Variants in JADE1 observed in about 807,000 individuals in gnomAD.
JADE1 encodes jade family PHD finger 1, also known as protein Jade-1.
A neutral mutation model predicts 81.8 loss-of-function variants in JADE1; 14 were observed. The observed-to-expected ratio is 0.17, with a 90% CI of 0.11 to 0.27. The LOEUF (loss-of-function observed/expected upper bound fraction) is 0.27, where lower values mean the gene tolerates loss of function less well. Among genes scored for constraint, JADE1 ranks in the 10% least tolerant of loss-of-function variants. The probability of loss-of-function intolerance (pLI) is 1.00; values close to 1 mark genes in which losing one functional copy is unlikely to be tolerated. For synonymous variants in JADE1, 353 were observed against 391.9 expected, an observed-to-expected ratio of 0.90 and a Z score of 1.17; for missense variants, 690 against 1,047.9, an observed-to-expected ratio of 0.66 and a Z score of 4.71.
chr4:128,827,239 C>G (rs1018785844), intron 1 of JADE1, among the ~76,000 whole-genome samples: 2 of 152,178 alleles, frequency 1.3e-5, no homozygotes, highest in Non-Finnish European at 2.9e-5. Context: ...TTTACCATTT[C>G]TAACAAGTGT....
intron 8 of JADE1, among the ~76,000 whole-genome samples, chr4:128,861,177 A>C (rs1047292102): frequency 1.3e-5 from 2 of 152,232 alleles, no homozygotes; most frequent in African/African-American, 2.4e-5. Flanking sequence ...AGAAAACCCA[A>C]GTTAATGCCT....
chr4:128,862,666 C>T (rs955896686), intron 9 of JADE1: 2 of 1,016,862 alleles, frequency 2.0e-6, no homozygotes, highest in Non-Finnish European at 1.2e-6. Flanking sequence ...CTTGTTCAGT[C>T]CGGGGAAACA....
rs1381886335 is a variant in JADE1 at position 128,827,675 on chromosome 4, G to A, written c.-26-4058G>A. Among the ~76,000 whole-genome samples, 4 of 152,192 alleles carry A rather than the reference G, an allele frequency of 2.6e-5. No homozygotes were observed. The East Asian group carries it at 7.7e-4, about 29-fold the overall frequency. ...TATTTTGATGAGGTTGCCTCATGGG[G>A]TGTAGTTAATTTGTTGTTTTAATAA... On this transcript the variant is annotated intron_variant, in intron 1 of 10. Coordinates refer to ENST00000226319, the MANE Select transcript of JADE1 (RefSeq NM_199320.4).
rs540580537 is a variant in JADE1 at position 128,821,868 on chromosome 4, C to CTAT, written c.-26-9857_-26-9855dup. Among the ~76,000 whole-genome samples the CTAT allele has an allele frequency of 7.2e-3, 1,090 of 152,156 alleles. 7 individuals carry two copies. The highest frequency in any genetic ancestry group is 9.9e-3 in the Non-Finnish European group (675 of 67,984). Reference sequence around the variant, plus strand: ...TTTTCTTGTCTGGGTTAGTTTTTTTCTATTATTATTGCATATATTTTAAGT... The same window carrying CTAT: ...TTTTCTTGTCTGGGTTAGTTTTTTTCTATTATTATTATTGCATATATTTTAAGT... On this transcript the variant is annotated intron_variant, in intron 1 of 10. Transcript: ENST00000226319.
chr4:128,844,483 G>A (rs1729704973), intron 3 of JADE1, among the ~76,000 whole-genome samples: 1 of 152,172 alleles, frequency 6.6e-6, no homozygotes, highest in South Asian at 2.1e-4. Flanking sequence ...CAAAGGAATA[G>A]CAGGCTGCCT....
intron 6 of JADE1, among the ~76,000 whole-genome samples, chr4:128,853,967 G>A (rs1730584076): frequency 6.6e-6 from 1 of 152,202 alleles, no homozygotes. Flanking sequence ...AATTCCTGTG[G>A]TGGCTTTGTT....
chr4:128,856,453 G>A (rs1160744994), intron 7 of JADE1, among the ~76,000 whole-genome samples: 1 of 152,172 alleles, frequency 6.6e-6, no homozygotes, highest in African/African-American at 2.4e-5. Flanking sequence ...TGGCCTGGGT[G>A]TGTCATTCCC....
Position 128,857,397 on chromosome 4 carries a change from C to T in JADE1, c.924C>T (p.Ser308=), listed in dbSNP as rs200666132. Residue 308 remains serine, a synonymous_variant, in exon 8 of 11, where the codon AGC becomes AGT. Transcript: ENST00000226319. ...EPITKVSHIP[S]SRWALVCSLC... is the part of the protein sequence containing the mutation. ...TCACCAAGGTGTCACACATTCCCAG[C>T]AGCCGGTGGGCGCTAGTGTGCAGCC... 1 of 1,614,168 alleles carries T rather than the reference C, an allele frequency of 6.2e-7. No homozygotes were observed. The highest frequency in any genetic ancestry group is 2.2e-5 in the East Asian group (1 of 44,864).
chr4:128,854,400 TC>T (rs1430699744), intron 6 of JADE1, among the ~76,000 whole-genome samples: 1 of 152,226 alleles, frequency 6.6e-6, no homozygotes, highest in Non-Finnish European at 1.5e-5. Context: ...AAAAATTTCT[TC>T]CTTCACATGT....
intron 10 of JADE1, among the ~76,000 whole-genome samples, chr4:128,870,866 C>T (rs867747019): frequency 6.6e-6 from 1 of 152,202 alleles, no homozygotes; most frequent in Non-Finnish European, 1.5e-5. Context: ...TACTTGTCCT[C>T]GTAATAGCCC....
chr4:128,871,701 T>C lies in JADE1; in HGVS notation c.1968T>C (p.His656=), dbSNP rs768679462. 6.2e-6 allele frequency: 10 copies of C among 1,614,110 alleles called. No individual in the cohort carries two copies. The highest frequency in any genetic ancestry group is 8.5e-6 in the Non-Finnish European group (10 of 1,180,010). The change falls in exon 11 of 11, where the codon CAT becomes CAC. Residue 656 remains histidine, a synonymous_variant. Coordinates refer to ENST00000226319, the MANE Select transcript of JADE1 (RefSeq NM_199320.4). This position sits in a 1 kb window ranked among gnomAD's most constrained non-coding sequence, Gnocchi z 4.1. ...AAAATGGTGTGGTGATGCCAGACCA[T>C]GGGAAAAGAAGAGACAATCGTTTTC... ...QQKNGVVMPD[H]GKRRDNRFHC...
chr4:128,813,242 C>A (rs949425222), intron 1 of JADE1, among the ~76,000 whole-genome samples: 1 of 152,132 alleles, frequency 6.6e-6, no homozygotes, highest in Non-Finnish European at 1.5e-5. Flanking sequence ...TCCATACTTG[C>A]ATTGAGTCAA....
intron 8 of JADE1, among the ~76,000 whole-genome samples, chr4:128,860,110 G>A (rs1460269221): frequency 6.6e-6 from 1 of 152,220 alleles, no homozygotes; most frequent in African/African-American, 2.4e-5. Context: ...TAGTGTCTCA[G>A]TCATCTGTTC....
At chr4:128,824,915 G>A (rs1190099207) in intron 1 of JADE1, among the ~76,000 whole-genome samples, 1 of 152,032 alleles carries the variant, frequency 6.6e-6, no homozygotes, top group African/African-American at 2.4e-5. Context: ...CTGATAAATG[G>A]GCCCTGTTCC....
Position 128,872,044 on chromosome 4 carries a change from C to T in JADE1, c.2311C>T (p.His771Tyr). 6.2e-7 allele frequency: 1 copy of T among 1,613,964 alleles called. No individual in the cohort carries two copies. Among genetic ancestry groups the T allele is most frequent in the Non-Finnish European group, 8.5e-7 (1 of 1,179,964 alleles). Residue 771 changes from histidine to tyrosine, a missense_variant, in exon 11 of 11, where the codon CAC becomes TAC. His to Tyr is a moderately conservative substitution (Grantham distance 83). Around this residue, in one of 8 missense-constraint regions of JADE1, gnomAD observed 218 missense variants for 274.3 expected, o/e 0.79. Transcript: ENST00000226319. Reference sequence around the variant, plus strand: ...GGGAGAGGCCCACGATGGGGCCTGCCACCAGCACTCAGACTACCCATATTT... The same window carrying T: ...GGGAGAGGCCCACGATGGGGCCTGCTACCAGCACTCAGACTACCCATATTT... ...QQGEAHDGAC[H>Y]QHSDYPYLGL...
chr4:128,861,103 G>A (rs1731284988), intron 8 of JADE1, among the ~76,000 whole-genome samples: 1 of 152,212 alleles, frequency 6.6e-6, no homozygotes, highest in African/African-American at 2.4e-5. Flanking sequence ...CAAACTGTGA[G>A]TAGTAGTCAT....
intron 1 of JADE1, among the ~76,000 whole-genome samples, chr4:128,812,267 C>T (rs974704212): frequency 2.0e-5 from 3 of 152,044 alleles, no homozygotes; most frequent in African/African-American, 7.2e-5. Context: ...TTACTTTCCC[C>T]TCCTCCCGCG....
intron 1 of JADE1, among the ~76,000 whole-genome samples, chr4:128,821,117 G>A (rs1267463789): frequency 1.3e-5 from 2 of 152,176 alleles, no homozygotes; most frequent in African/African-American, 4.8e-5. Flanking sequence ...CTGGTTCAGA[G>A]ACCCCCAAGG....
intron 2 of JADE1, among the ~76,000 whole-genome samples, chr4:128,832,883 T>C (rs145205631): frequency 7.7e-4 from 118 of 152,290 alleles, no homozygotes; most frequent in African/African-American, 2.7e-3. Context: ...GGACCAGGAA[T>C]ATGAAAAACA....
Sources: allele counts gnomAD v4.1 joint callset (sites outside exome capture counted in the v4.1 genomes callset), GRCh38; gene constraint gnomAD v4.1.1; regional missense constraint gnomAD v4.1.1; non-coding constraint Gnocchi (gnomAD v3.1); transcripts MANE v1.5; gene names NCBI Gene and HGNC (gene_info 2026-07-23, HGNC 2026-07-21).